Variants in CCDC187 observed in about 807,000 individuals in gnomAD.
The protein encoded by CCDC187 is coiled-coil domain containing 187.
CCDC187 carries 32 observed loss-of-function variants against 38.0 expected under a neutral mutation model. That is an observed-to-expected ratio of 0.84 (90% confidence interval 0.64 to 1.13). The LOEUF is 1.13. Ranked by LOEUF, CCDC187 falls within the 50% of genes most tolerant of loss-of-function variation. CCDC187 has a pLI of 0.00. For synonymous variants in CCDC187, 333 were observed against 347.9 expected (o/e 0.96, Z 0.48); for missense variants, 707 against 786.8 (o/e 0.90, Z 1.21).
chr9:136,277,019 T>C (rs1830945132), intron 10 of CCDC187, among the ~76,000 whole-genome samples: 1 of 151,980 alleles, frequency 6.6e-6, no homozygotes, highest in Non-Finnish European at 1.5e-5. Context: ...AGGCTGGCTC[T>C]GCCTGACCCC....
intron 9 of CCDC187, among the ~76,000 whole-genome samples, chr9:136,283,622 C>T (rs1271806975): frequency 6.6e-6 from 1 of 152,256 alleles, no homozygotes; most frequent in African/African-American, 2.4e-5. Flanking sequence ...GTCCAGTGCC[C>T]AGCCCTGATG....
intron 14 of CCDC187, among the ~76,000 whole-genome samples, chr9:136,269,222 C>T (rs563302090): frequency 1.6e-4 from 25 of 152,352 alleles, no homozygotes; most frequent in Non-Finnish European, 2.8e-4. Context: ...GTACACAGAA[C>T]GTTCTTGCCT....
chr9:136,291,109 GC>G lies in CCDC187; in HGVS notation c.1503del (p.Gln502ArgfsTer34), dbSNP rs1401624650. The G allele has an allele frequency of 5.0e-6, 2 of 398,510 alleles. No homozygotes were observed. Among genetic ancestry groups the G allele is most frequent in the Non-Finnish European group, 8.8e-6 (2 of 226,094 alleles). 24.7% of individuals were successfully genotyped at this position (398,510 alleles called of 1,614,324 possible). ...WSALAGQACS[P>X]QRAWGAQRQG... is the part of the protein sequence containing the mutation. ...TGTCTTTGGGCCCCCCAGGCCCTCT[GC>G]GGACTGCAGGCCTGCCCAGCCAGTG... On this transcript the variant is annotated frameshift_variant, in exon 6 of 26. Coordinates refer to ENST00000638797, the MANE Select transcript of CCDC187 (RefSeq NM_001378188.1). LOFTEE classifies it high-confidence loss of function.
intron 6 of CCDC187, among the ~76,000 whole-genome samples, 196 bp from the exon 7 acceptor site, chr9:136,290,249 G>A (rs1162102951): frequency 6.6e-6 from 1 of 152,100 alleles, no homozygotes; most frequent in Admixed American, 6.5e-5. Flanking sequence ...GCACCCAGGG[G>A]CAAAGGCGCC....
rs1395119686 is a variant in CCDC187, at chr9:136,296,779, C to T, written c.832+935G>A. Among the ~76,000 whole-genome samples, 5 of 152,340 alleles carry T rather than the reference C, an allele frequency of 3.3e-5. No homozygotes were observed. The South Asian group carries it at 8.3e-4, about 25-fold the overall frequency. The stretch of plus-strand genomic sequence containing the variant: ...AGGGCACTGACACCTCTGCCCAGTC[C>T]TCAGCAGGGAGATGCCTGGATCAGA... On this transcript the variant is annotated intron_variant, in intron 4 of 25. Coordinates refer to ENST00000638797, the MANE Select transcript of CCDC187 (RefSeq NM_001378188.1).
At chr9:136,302,005 T>G (rs1831697271) in intron 2 of CCDC187, among the ~76,000 whole-genome samples, 1 of 151,744 alleles carries the variant, frequency 6.6e-6, no homozygotes, top group Non-Finnish European at 1.5e-5. Flanking sequence ...AGGTCAGGAT[T>G]TCGAGGCCAG....
chr9:136,258,599 A>T lies in CCDC187; in HGVS notation c.4366+333T>A. ...AGAGAAAAATGTAATCGGTGCAGAA[A>T]CCTCCGTCAGCTGAAGACGCTCAGG... On this transcript the variant is annotated intron_variant, in intron 22 of 25. Coordinates refer to ENST00000638797, the MANE Select transcript of CCDC187 (RefSeq NM_001378188.1). The surrounding 1 kb of genome is among the most constrained non-coding windows in gnomAD (Gnocchi z 4.3). The T allele has an allele frequency of 1.4e-6, 1 of 728,878 alleles. No homozygotes were observed. The highest frequency in any genetic ancestry group is 1.9e-5 in the African/African-American group (1 of 52,280). 45.2% of individuals were successfully genotyped at this position (728,878 alleles called of 1,614,324 possible).
intron 4 of CCDC187, among the ~76,000 whole-genome samples, chr9:136,294,010 G>T (rs922884657): frequency 7.6e-5 from 10 of 131,830 alleles, no homozygotes; most frequent in African/African-American, 2.3e-4. Context: ...ATATACACAC[G>T]CCCTCACATG....
intron 19 of CCDC187, 108 bp from the exon 20 acceptor site, chr9:136,260,372 A>C: frequency 2.0e-3 from 1,661 of 844,320 alleles, no homozygotes; most frequent in Middle Eastern, 3.0e-3. Flanking sequence ...GAACAACCTC[A>C]TGTCACATCC....
At position 136,286,646 on chromosome 9, in the gene CCDC187, G is replaced by T; in HGVS notation, c.2272C>A (p.Pro758Thr). ...RAWNHAETLDPPGMGGPQDGR... is the reference protein window; with the variant it reads ...RAWNHAETLDTPGMGGPQDGR... ...TCTTGGGGGCCCCCCATCCCTGGGGGATCTAGGGTCTCAGCATGGTTCCAG... is the reference window on the plus strand; with the variant it reads ...TCTTGGGGGCCCCCCATCCCTGGGGTATCTAGGGTCTCAGCATGGTTCCAG... Residue 758 changes from proline to threonine, a missense_variant, in exon 8 of 26, where the codon CCC (proline) becomes ACC (threonine). Transcript: ENST00000638797. 2.5e-6 allele frequency: 1 copy of T among 398,868 alleles called. No homozygotes were observed. The highest frequency in any genetic ancestry group is 6.3e-4 in the Middle Eastern group (1 of 1,588). The allele number at this position is 398,868 out of a possible 1,614,324, so 24.7% of individuals were successfully genotyped here. A position where few individuals can be genotyped will look rare whatever the true frequency, so the allele number is the denominator to read the frequency against.
At chr9:136,262,682 T>A (rs1159912717) in intron 18 of CCDC187, among the ~76,000 whole-genome samples, 2 of 151,990 alleles carry the variant, frequency 1.3e-5, no homozygotes, top group African/African-American at 4.8e-5. Flanking sequence ...AATGAGGAGT[T>A]TTTCCCAAGG....
intron 5 of CCDC187, 33 bp downstream of exon 5, chr9:136,292,128 G>A (rs1427337603): frequency 5.0e-6 from 2 of 398,674 alleles, no homozygotes; most frequent in Non-Finnish European, 8.8e-6. Context: ...CCACAGCAGA[G>A]CAGGACAGAG....
chr9:136,290,920 G>A lies in CCDC187; in HGVS notation c.1693C>T (p.Pro565Ser), dbSNP rs1831310172. ...GPRLRNPLER[P>S]SPPAQRPWSS... ...CAGGGCCGCTGGGCTGGAGGACTGG[G>A]CCTTTCCAGAGGGTTCCGCAGTCTG... is the stretch of plus-strand genomic sequence containing the variant. The change falls in exon 6 of 26, where the codon CCC becomes TCC. Residue 565 changes from proline (P) to serine (S), a missense_variant. Coordinates refer to ENST00000638797, the MANE Select transcript of CCDC187 (RefSeq NM_001378188.1). The A allele has an allele frequency of 5.0e-6, 2 of 398,660 alleles. No homozygotes were observed. The highest frequency in any genetic ancestry group is 4.4e-5 in the Admixed American group (1 of 22,742). 24.7% of individuals were successfully genotyped at this position (398,660 alleles called of 1,614,324 possible).
At chr9:136,293,395 ACACT>A (rs1330074321) in intron 4 of CCDC187, among the ~76,000 whole-genome samples, 16,623 of 87,564 alleles carry the variant, frequency 0.19, 1,264 homozygotes, top group Non-Finnish European at 0.23. Flanking sequence ...ACATGCTCAC[ACACT>A]CACAAACACT....
chr9:136,269,760 A>T (rs34634918), intron 14 of CCDC187, among the ~76,000 whole-genome samples: 17,106 of 152,266 alleles, frequency 0.11, 1,235 homozygotes, highest in Admixed American at 0.2. Flanking sequence ...AAACACAACC[A>T]GTAATGAGCA....
rs1432571717 is a variant in CCDC187 at position 136,303,058 on chromosome 9, C to T, written c.379G>A (p.Val127Met). ...RLSCSSGGHDVCVSWKERPPQ... is the reference protein window; with the variant it reads ...RLSCSSGGHDMCVSWKERPPQ... ...GGCCTCTCCTTCCAAGACACACACA[C>T]GTCGTGGCCCCCCGAAGAGCACGAG... The change falls in exon 2 of 26, where the codon GTG (valine) becomes ATG (methionine). Residue 127 changes from valine to methionine, a missense_variant. Coordinates refer to ENST00000638797, the MANE Select transcript of CCDC187 (RefSeq NM_001378188.1). 1.8e-5 allele frequency: 7 copies of T among 398,562 alleles called. No homozygotes were observed. The highest frequency in any genetic ancestry group is 1.3e-4 in the South Asian group (1 of 7,872). The allele number at this position is 398,562 out of a possible 1,614,324, so 24.7% of individuals were successfully genotyped here.
chr9:136,301,103 G>A (rs1000988284), intron 2 of CCDC187, among the ~76,000 whole-genome samples: 19 of 152,316 alleles, frequency 1.2e-4, no homozygotes, highest in South Asian at 1.0e-3. Flanking sequence ...TTTGGACCAC[G>A]TAGCACCAGG....
intron 24 of CCDC187, among the ~76,000 whole-genome samples, 159 bp downstream of exon 24, chr9:136,256,052 G>C (rs1830608267): frequency 6.6e-6 from 1 of 152,210 alleles, no homozygotes; most frequent in African/African-American, 2.4e-5. Context: ...AAGTGGGTCA[G>C]ACCCAGGAGG....
Position 136,290,727 on chromosome 9 carries a change from A to G in CCDC187, c.1886T>C (p.Leu629Pro). Residue 629 changes from leucine (L) to proline (P), a missense_variant, in exon 6 of 26, where the codon CTC becomes CCC. By Grantham distance (98) the Leu-to-Pro change is moderately conservative. Coordinates refer to ENST00000638797, the MANE Select transcript of CCDC187 (RefSeq NM_001378188.1). ...CTCAGAGCTGTGCGAGGGTCCCAGG[A>G]GCCCCCGGGACCTGGGGCAGGGCCG... Reference protein sequence around the residue: ...TLRPCPRSRGLLGPSHSSESL... With the variant: ...TLRPCPRSRGPLGPSHSSESL... 5.0e-6 allele frequency: 2 copies of G among 398,346 alleles called. No homozygotes were observed. The highest frequency in any genetic ancestry group is 8.9e-6 in the Non-Finnish European group (2 of 225,904). 24.7% of individuals were successfully genotyped at this position (398,346 alleles called of 1,614,324 possible).
Sources: allele counts gnomAD v4.1 joint callset (sites outside exome capture counted in the v4.1 genomes callset), GRCh38; gene constraint gnomAD v4.1.1; non-coding constraint Gnocchi (gnomAD v3.1); transcripts MANE v1.5; gene names NCBI Gene and HGNC (gene_info 2026-07-23, HGNC 2026-07-21).